The following PLD5 variants were observed in gnomAD, a reference collection of about 807,000 sequenced individuals.
PLD5 encodes phospholipase D family member 5.
Under a neutral mutation model 61.1 loss-of-function variants are expected in PLD5, and 36 were observed. The ratio of observed to expected loss-of-function variants is 0.59; its 90% CI spans 0.45 to 0.78. The LOEUF (loss-of-function observed/expected upper bound fraction) is 0.78, where lower values mean the gene tolerates loss of function less well. Among genes scored for constraint, PLD5 ranks in the 30% least tolerant of loss-of-function variants. The pLI is 0.00. For synonymous variants in PLD5, 243 were observed against 242.8 expected (o/e 1.00, Z -0.01); for missense variants, 515 against 644.4 (o/e 0.80, Z 2.17).
intron 4 of PLD5, among the ~76,000 whole-genome samples, chr1:242,220,870 G>A (rs1452444273): frequency 2.0e-5 from 3 of 151,992 alleles, no homozygotes; most frequent in African/African-American, 7.2e-5. Context: ...CTGAGTAGCT[G>A]GGATTACAGG....
At chr1:242,464,823 A>C (rs1368515226) in intron 1 of PLD5, among the ~76,000 whole-genome samples, 1 of 152,226 alleles carries the variant, frequency 6.6e-6, no homozygotes, top group Non-Finnish European at 1.5e-5. Flanking sequence ...CTCCACCCTA[A>C]AGAGGAGTGA....
intron 1 of PLD5, among the ~76,000 whole-genome samples, chr1:242,351,786 A>G (rs989068479): frequency 6.6e-6 from 1 of 152,186 alleles, no homozygotes; most frequent in African/African-American, 2.4e-5. Flanking sequence ...TTTGGTGATT[A>G]TAAATTTTGT....
chr1:242,212,078 C>CT (rs1310408372), intron 5 of PLD5, among the ~76,000 whole-genome samples: 1 of 152,184 alleles, frequency 6.6e-6, no homozygotes, highest in Non-Finnish European at 1.5e-5. Flanking sequence ...TAGGGCAGCC[C>CT]TGGCTCCATT....
At chr1:242,397,457 C>A (rs1180315762) in intron 1 of PLD5, among the ~76,000 whole-genome samples, 1 of 151,730 alleles carries the variant, frequency 6.6e-6, no homozygotes, top group Non-Finnish European at 1.5e-5. Context: ...TAGTCCTAAT[C>A]ACCATTATTA....
chr1:242,500,835 T>C (rs575350926), intron 1 of PLD5, among the ~76,000 whole-genome samples: 89 of 151,400 alleles, frequency 5.9e-4, no homozygotes, highest in East Asian at 5.4e-3. Flanking sequence ...CTGTAGAATG[T>C]TGATCAAGGA....
At chr1:242,503,361 T>G (rs1017133245) in intron 1 of PLD5, among the ~76,000 whole-genome samples, 1 of 152,176 alleles carries the variant, frequency 6.6e-6, no homozygotes, top group African/African-American at 2.4e-5. Flanking sequence ...CTGCTTTGCC[T>G]TCCACCATGA....
At chr1:242,403,706 G>A (rs142076100) in intron 1 of PLD5, among the ~76,000 whole-genome samples, 2,161 of 152,108 alleles carry the variant, frequency 0.014, 32 homozygotes, top group Non-Finnish European at 0.025. Flanking sequence ...GACCTCAAGT[G>A]ATCCGCCCGC....
intron 3 of PLD5, among the ~76,000 whole-genome samples, chr1:242,277,965 A>G (rs1440170995): frequency 6.6e-6 from 1 of 152,246 alleles, no homozygotes; most frequent in Non-Finnish European, 1.5e-5. Flanking sequence ...CCTGGGTGAC[A>G]GAGTGAGACC....
chr1:242,485,078 T>C (rs1667911454), intron 1 of PLD5, among the ~76,000 whole-genome samples: 1 of 151,964 alleles, frequency 6.6e-6, no homozygotes, highest in Admixed American at 6.6e-5. Flanking sequence ...TAAGAGCTAT[T>C]TATGACAAAC....
At chr1:242,322,684 A>G (rs551452565) in intron 2 of PLD5, among the ~76,000 whole-genome samples, 8 of 152,200 alleles carry the variant, frequency 5.3e-5, no homozygotes, top group African/African-American at 1.9e-4. Context: ...TGATAGTTTA[A>G]AAGTGTTATT....
At chr1:242,455,318 C>T (rs1470564223) in intron 1 of PLD5, among the ~76,000 whole-genome samples, 4 of 148,234 alleles carry the variant, frequency 2.7e-5, no homozygotes, top group Non-Finnish European at 4.4e-5. Context: ...ACATGGAGCT[C>T]ACTGGATTGA....
chr1:242,525,310 C>G (rs988257563), upstream of PLD5, among the ~76,000 whole-genome samples: 4 of 151,350 alleles, frequency 2.6e-5, no homozygotes, highest in Non-Finnish European at 5.9e-5. Flanking sequence ...TAGAACCGGG[C>G]TCCCCGGGCC....
chr1:242,257,899 T>G (rs1453307643), intron 4 of PLD5, among the ~76,000 whole-genome samples: 1 of 152,222 alleles, frequency 6.6e-6, no homozygotes, highest in Non-Finnish European at 1.5e-5. Flanking sequence ...GCCTGGGCCT[T>G]TTCATGCCTG....
chr1:242,128,485 T>C (rs1004303283), intron 5 of PLD5, among the ~76,000 whole-genome samples: 7 of 152,170 alleles, frequency 4.6e-5, no homozygotes, highest in African/African-American at 1.7e-4. Context: ...CTGCTGACTC[T>C]CTCCTGATGT....
chr1:242,152,057 A>T, intron 5 of PLD5, among the ~76,000 whole-genome samples: 1 of 151,802 alleles, frequency 6.6e-6, no homozygotes, highest in Non-Finnish European at 1.5e-5. Flanking sequence ...ATTTATTATC[A>T]TGCAGTTTGT....
At chr1:242,153,297 G>C (rs1253671504) in intron 5 of PLD5, among the ~76,000 whole-genome samples, 1 of 151,996 alleles carries the variant, frequency 6.6e-6, no homozygotes, top group Non-Finnish European at 1.5e-5. Context: ...CCATTCTGTA[G>C]GCTGCCTGTT....
chr1:242,388,947 C>G (rs1251337663), intron 1 of PLD5, among the ~76,000 whole-genome samples: 1 of 151,668 alleles, frequency 6.6e-6, no homozygotes, highest in Non-Finnish European at 1.5e-5. Context: ...GAATGAGACT[C>G]TGTCTCAAAA....
At chr1:242,186,357 A>G (rs1326135956) in intron 5 of PLD5, among the ~76,000 whole-genome samples, 1 of 151,910 alleles carries the variant, frequency 6.6e-6, no homozygotes, top group Non-Finnish European at 1.5e-5. Context: ...TAATTTTTGT[A>G]CTTTTAGTAG....
At chr1:242,442,402 C>T (rs575991988) in intron 1 of PLD5, among the ~76,000 whole-genome samples, 305 of 152,286 alleles carry the variant, frequency 2.0e-3, no homozygotes, top group African/African-American at 6.7e-3. Flanking sequence ...CCAGGTATTA[C>T]GTCCACTTTA....
Sources: allele counts gnomAD v4.1 joint callset (sites outside exome capture counted in the v4.1 genomes callset), GRCh38; gene constraint gnomAD v4.1.1; transcripts MANE v1.5; gene names NCBI Gene and HGNC (gene_info 2026-07-23, HGNC 2026-07-21).